The following HSD17B2 variants were observed in gnomAD, a reference collection of about 807,000 sequenced individuals.
HSD17B2 encodes hydroxysteroid 17-beta dehydrogenase 2.
Under a neutral mutation model 26.9 loss-of-function variants are expected in HSD17B2, and 32 were observed. That is an observed-to-expected ratio of 1.19 (90% confidence interval 0.90 to 1.60). HSD17B2 has a LOEUF of 1.60. HSD17B2 is among the 40% of genes most tolerant of loss of function. The pLI is 0.00. For synonymous variants in HSD17B2, 246 were observed against 186.7 expected, an observed-to-expected ratio of 1.32 and a Z score of -2.59; for missense variants, 613 against 468.6, an observed-to-expected ratio of 1.31 and a Z score of -2.85.
chr16:82,088,049 A>G (rs1279924772), intron 3 of HSD17B2, among the ~76,000 whole-genome samples: 2 of 152,208 alleles, frequency 1.3e-5, no homozygotes, highest in Non-Finnish European at 2.9e-5. Flanking sequence ...AAGGCAGTGC[A>G]TTATCACAAA....
chr16:82,045,778 G>A (rs1472860457), intron 1 of HSD17B2, among the ~76,000 whole-genome samples: 1 of 152,220 alleles, frequency 6.6e-6, no homozygotes, highest in Non-Finnish European at 1.5e-5. Context: ...TGAGACCCTT[G>A]GCTCTGTGCT....
At chr16:82,072,563 C>T (rs1228652653) in intron 3 of HSD17B2, among the ~76,000 whole-genome samples, 1 of 152,190 alleles carries the variant, frequency 6.6e-6, no homozygotes, top group East Asian at 1.9e-4. Context: ...AAGGAGGTTT[C>T]TCTTTTTTTT....
At chr16:82,050,445 C>A (rs1002091403) in intron 1 of HSD17B2, among the ~76,000 whole-genome samples, 20 of 152,236 alleles carry the variant, frequency 1.3e-4, no homozygotes, top group Middle Eastern at 3.4e-3. Context: ...GTCAAAGCTA[C>A]CGTCATTTGT....
chr16:82,092,976 T>C (rs1402258381), intron 4 of HSD17B2: 1 of 152,230 alleles, frequency 6.6e-6, no homozygotes, highest in Admixed American at 6.5e-5. Flanking sequence ...AGTTAGGTTA[T>C]GATTTTGGAG....
At chr16:82,077,551 A>T (rs964609782) in intron 3 of HSD17B2, among the ~76,000 whole-genome samples, 10 of 152,150 alleles carry the variant, frequency 6.6e-5, no homozygotes, top group African/African-American at 2.4e-4. Context: ...CAACATGGCA[A>T]AACCATGTCT....
chr16:82,082,329 C>T (rs1000575851), intron 3 of HSD17B2, among the ~76,000 whole-genome samples: 2 of 152,102 alleles, frequency 1.3e-5, no homozygotes, highest in Admixed American at 1.3e-4. Flanking sequence ...GGAATGTACA[C>T]ATTGCTTAAA....
intron 1 of HSD17B2, among the ~76,000 whole-genome samples, chr16:82,066,968 T>G (rs1366412909): frequency 6.6e-6 from 1 of 152,234 alleles, no homozygotes; most frequent in Non-Finnish European, 1.5e-5. Context: ...AGTATTTCTC[T>G]AGGATAAATA....
At chr16:82,087,931 C>T (rs138095476) in intron 3 of HSD17B2, among the ~76,000 whole-genome samples, 269 of 152,266 alleles carry the variant, frequency 1.8e-3, no homozygotes, top group African/African-American at 6.2e-3. Context: ...CCATCCTCAA[C>T]GCCTAATCAC....
At chr16:82,043,547 C>G (rs1385668523) in intron 1 of HSD17B2, among the ~76,000 whole-genome samples, 1 of 141,724 alleles carries the variant, frequency 7.1e-6, no homozygotes, top group Non-Finnish European at 1.5e-5. Context: ...AGCCGGGCGC[C>G]GTGGCAGGCG....
chr16:82,098,254 G>A lies in HSD17B2; in HGVS notation c.982G>A (p.Ala328Thr). Residue 328 changes from alanine (A) to threonine (T), a missense_variant, in exon 5 of 5, where the codon GCT (alanine) becomes ACT (threonine). Ala to Thr is a moderately conservative substitution (Grantham distance 58). Transcript: ENST00000199936. ...TCCGGTGCTGCGGGACATCCAGCAT[G>A]CTATCTTGGCGAAGAGCCCTTTTGC... ...FSPVLRDIQH[A>T]ILAKSPFAYY... 6.2e-7 allele frequency: 1 copy of A among 1,614,204 alleles called. No individual in the cohort carries two copies. Among genetic ancestry groups the A allele is most frequent in the Non-Finnish European group, 8.5e-7 (1 of 1,180,012 alleles).
At chr16:82,087,392 C>A (rs1024822808) in intron 3 of HSD17B2, among the ~76,000 whole-genome samples, 1 of 152,160 alleles carries the variant, frequency 6.6e-6, no homozygotes, top group Non-Finnish European at 1.5e-5. Context: ...TAAGACACAG[C>A]GGCTCTTAAT....
intron 1 of HSD17B2, among the ~76,000 whole-genome samples, chr16:82,067,895 T>G (rs888756620): frequency 9.9e-5 from 15 of 152,222 alleles, no homozygotes; most frequent in African/African-American, 3.6e-4. Flanking sequence ...CAGCCACTCC[T>G]GGACTACCCT....
intron 2 of HSD17B2, among the ~76,000 whole-genome samples, chr16:82,070,306 C>T (rs1272752511): frequency 2.0e-5 from 3 of 152,286 alleles, no homozygotes; most frequent in East Asian, 3.9e-4. Flanking sequence ...CCTGTCAATT[C>T]CACCTCCTGG....
chr16:82,068,303 G>T lies in HSD17B2; in HGVS notation c.399G>T (p.Ser133=). ...ELRRTCSPRL[S]VLQMDITKPV... ...GAAGAACCTGCTCTCCGCGCCTCTC[G>T]GTGCTCCAAATGGACATCACGAAGC... Residue 133 remains serine, a synonymous_variant, in exon 2 of 5, where the codon TCG becomes TCT. Transcript: ENST00000199936. The T allele has an allele frequency of 6.2e-7, 1 of 1,614,040 alleles. No homozygotes were observed. Among genetic ancestry groups the T allele is most frequent in the African/African-American group, 1.3e-5 (1 of 75,024 alleles).
intron 1 of HSD17B2, among the ~76,000 whole-genome samples, chr16:82,038,345 TATTTTATTTC>T (rs909205185): frequency 2.0e-5 from 3 of 152,186 alleles, no homozygotes; most frequent in African/African-American, 7.2e-5. Context: ...CATTTTATTT[TATTTTATTTC>T]ATTTTATTTT....
In HSD17B2 at chr16:82,035,828, T is replaced by C. The variant is rs1181016838; in HGVS notation, c.265+139T>C. The C allele has an allele frequency of 3.3e-6, 3 of 921,314 alleles. No individual in the cohort carries two copies. The South Asian group carries it at 5.0e-5, about 15-fold the overall frequency. 57.1% of individuals were successfully genotyped at this position (921,314 alleles called of 1,614,324 possible). On this transcript the variant is annotated intron_variant, in intron 1 of 4. Coordinates refer to ENST00000199936, the MANE Select transcript of HSD17B2 (RefSeq NM_002153.3). ...AAAGCCCTCACCCAAGTATTTTTCA[T>C]GACACTGTTTTCGTTCCGTTTTTTC...
At chr16:82,074,138 T>A (rs557584026) in intron 3 of HSD17B2, among the ~76,000 whole-genome samples, 1 of 152,342 alleles carries the variant, frequency 6.6e-6, no homozygotes, top group Admixed American at 6.5e-5. Flanking sequence ...CTGGGGTAAC[T>A]GGCTAGCCAT....
chr16:82,079,269 G>C (rs991309825), intron 3 of HSD17B2, among the ~76,000 whole-genome samples: 8 of 152,160 alleles, frequency 5.3e-5, no homozygotes, highest in Admixed American at 1.3e-4. Flanking sequence ...CCACAGACAA[G>C]GTGTCTTCAG....
At chr16:82,058,216 G>T (rs1036301997) in intron 1 of HSD17B2, among the ~76,000 whole-genome samples, 6 of 151,964 alleles carry the variant, frequency 3.9e-5, no homozygotes, top group Admixed American at 1.3e-4. Context: ...GGCCAGGGGC[G>T]TATGCCAGCA....
Sources: gnomAD v4.1 joint callset for allele counts (sites outside exome capture counted in the v4.1 genomes callset) on GRCh38, gnomAD v4.1.1 for gene constraint, MANE v1.5 for transcripts, NCBI Gene and HGNC (gene_info 2026-07-23, HGNC 2026-07-21) for gene names.